The following CALHM5 variants were observed in gnomAD, a reference collection of about 807,000 sequenced individuals.
CALHM5 encodes the protein calcium homeostasis modulator family member 5.
A neutral mutation model predicts 20.9 loss-of-function variants in CALHM5; 17 were observed. That is an observed-to-expected ratio of 0.82 (90% CI 0.56 to 1.22). CALHM5 has a LOEUF of 1.22. CALHM5 is among the 50% of genes most tolerant of loss of function. The probability of loss-of-function intolerance (pLI) is 0.00; values close to 1 mark genes in which losing one functional copy is unlikely to be tolerated. For missense variants in CALHM5, 360 were observed against 364.6 expected (o/e 0.99, Z 0.10); for synonymous variants, 148 against 140.0 (o/e 1.06, Z -0.40).
chr6:116,519,499 C>T lies in CALHM5; in HGVS notation c.*3510C>T, dbSNP rs891694874. The T allele has an allele frequency of 6.6e-6, 1 of 152,120 alleles. No individual in the cohort carries two copies. Among genetic ancestry groups the T allele is most frequent in the Non-Finnish European group, 1.5e-5 (1 of 68,042 alleles). 9.4% of individuals were successfully genotyped at this position (152,120 alleles called of 1,614,324 possible). ...ACACTGCCGAACTGGGACATTGGCACCCTGGATTTGAATATCTAGAGAGGG... is the reference window on the plus strand; with the variant it reads ...ACACTGCCGAACTGGGACATTGGCATCCTGGATTTGAATATCTAGAGAGGG... On this transcript the variant is annotated 3_prime_UTR_variant, in exon 2 of 2. Coordinates refer to ENST00000368599, the MANE Select transcript of CALHM5 (RefSeq NM_153711.5).
Position 116,516,668 on chromosome 6 carries a change from T to A in CALHM5, c.*679T>A, listed in dbSNP as rs1772231901. ...TCAAAATAGTAGTAACAAATATATA[T>A]ATATATATATATATATATATATATA... On this transcript the variant is annotated 3_prime_UTR_variant, in exon 2 of 2. Transcript: ENST00000368599. 1.8e-4 allele frequency: 5 copies of A among 27,632 alleles called. No individual in the cohort carries two copies. The highest frequency in any genetic ancestry group is 4.1e-4 in the Non-Finnish European group (5 of 12,200). The allele number at this position is 27,632 out of a possible 1,614,324, so 1.7% of individuals were successfully genotyped here.
At position 116,522,882 on chromosome 6, in the gene CALHM5, T is replaced by A. The variant is rs908862317; in HGVS notation, c.*6893T>A. On this transcript the variant is annotated 3_prime_UTR_variant, in exon 2 of 2. Coordinates refer to ENST00000368599, the MANE Select transcript of CALHM5 (RefSeq NM_153711.5). ...GTTGAGTCAAGCCTGCAGTTTAACGTGATCCTAGCTGATTCCAGTTCAAGC... is the reference window on the plus strand; with the variant it reads ...GTTGAGTCAAGCCTGCAGTTTAACGAGATCCTAGCTGATTCCAGTTCAAGC... The A allele has an allele frequency of 1.3e-5, 2 of 152,152 alleles. No homozygotes were observed. The highest frequency in any genetic ancestry group is 1.9e-4 in the East Asian group (1 of 5,156). The allele number at this position is 152,152 out of a possible 1,614,324, so 9.4% of individuals were successfully genotyped here.
chr6:116,511,906 C>A lies in CALHM5; in HGVS notation c.210C>A (p.Asn70Lys), dbSNP rs1247969256. Residue 70 changes from asparagine to lysine, a missense_variant, in exon 1 of 2, where the codon AAC becomes AAA. Coordinates refer to ENST00000368599, the MANE Select transcript of CALHM5 (RefSeq NM_153711.5). ...WVLLILGFFL[N>K]NRSWRLFTGC... is the part of the protein sequence containing the mutation. ...TACTGATCCTGGGATTCTTTCTGAA[C>A]AATAGGTCGTGGAGACTCTTCACAG... 4 of 1,613,888 alleles carry A rather than the reference C, an allele frequency of 2.5e-6. No individual in the cohort carries two copies. The highest frequency in any genetic ancestry group is 2.2e-5 in the East Asian group (1 of 44,890).
rs1444874539 is a variant in CALHM5, at chr6:116,518,234, T to G, written c.*2245T>G. 1 of 151,944 alleles carries G rather than the reference T, an allele frequency of 6.6e-6. No homozygotes were observed. The highest frequency in any genetic ancestry group is 1.9e-4 in the East Asian group (1 of 5,160). 9.4% of individuals were successfully genotyped at this position (151,944 alleles called of 1,614,324 possible). On this transcript the variant is annotated 3_prime_UTR_variant, in exon 2 of 2. Transcript: ENST00000368599. ...GACTGGTGTCTGAAGTTGGGGGAGA[T>G]CTTATGGGACTGAGCTCTTAACCTG...
chr6:116,520,838 C>G lies in CALHM5; in HGVS notation c.*4849C>G, dbSNP rs549557267. ...TGGCTCTCCAGGAAAAAAGAGACATCCTAATATGATGTATTTGCCAATATA... is the reference window on the plus strand; with the variant it reads ...TGGCTCTCCAGGAAAAAAGAGACATGCTAATATGATGTATTTGCCAATATA... On this transcript the variant is annotated 3_prime_UTR_variant, in exon 2 of 2. Transcript: ENST00000368599. 6.6e-6 allele frequency: 1 copy of G among 151,982 alleles called. No homozygotes were observed. Among genetic ancestry groups the G allele is most frequent in the East Asian group, 1.9e-4 (1 of 5,186 alleles). 9.4% of individuals were successfully genotyped at this position (151,982 alleles called of 1,614,324 possible). A position where few individuals can be genotyped will look rare whatever the true frequency, so the allele number is the denominator to read the frequency against.
rs1772360697 is a variant in CALHM5 at position 116,522,321 on chromosome 6, C to G, written c.*6332C>G. The G allele has an allele frequency of 6.6e-6, 1 of 152,188 alleles. No individual in the cohort carries two copies. The highest frequency in any genetic ancestry group is 2.4e-5 in the African/African-American group (1 of 41,444). 9.4% of individuals were successfully genotyped at this position (152,188 alleles called of 1,614,324 possible). ...ACTCCATGACCCCAAAAATCATGAGCTTAAATAAATGTTTGTGGCTTTAAG... is the reference window on the plus strand; with the variant it reads ...ACTCCATGACCCCAAAAATCATGAGGTTAAATAAATGTTTGTGGCTTTAAG... On this transcript the variant is annotated 3_prime_UTR_variant, in exon 2 of 2. Transcript: ENST00000368599.
rs2279524 is a variant in CALHM5, at chr6:116,512,483, A to G, written c.540+247A>G. 194,374 of 458,354 alleles carry G rather than the reference A, an allele frequency of 0.42. 44,324 individuals are homozygous for G. The highest frequency in any genetic ancestry group is 0.54 in the Admixed American group (15,226 of 28,238). The allele number at this position is 458,354 out of a possible 1,614,324, so 28.4% of individuals were successfully genotyped here. A position where few individuals can be genotyped will look rare whatever the true frequency, so the allele number is the denominator to read the frequency against. ...AAAATATCCACTGGATTGTCCACAT[A>G]TAAATACTTAAGTACTTTAAAACAG... On this transcript the variant is annotated intron_variant, in intron 1 of 1. Coordinates refer to ENST00000368599, the MANE Select transcript of CALHM5 (RefSeq NM_153711.5).
rs772134645 is a variant in CALHM5 at position 116,518,964 on chromosome 6, T to C, written c.*2975T>C. On this transcript the variant is annotated 3_prime_UTR_variant, in exon 2 of 2. Coordinates refer to ENST00000368599, the MANE Select transcript of CALHM5 (RefSeq NM_153711.5). ...GACTCCTAAATTCCTTAACAGTCCTTTACTCAGGAATAAAACAAGTCCAAG... is the reference window on the plus strand; with the variant it reads ...GACTCCTAAATTCCTTAACAGTCCTCTACTCAGGAATAAAACAAGTCCAAG... 2 of 152,176 alleles carry C rather than the reference T, an allele frequency of 1.3e-5. No individual in the cohort carries two copies. Among genetic ancestry groups the C allele is most frequent in the Non-Finnish European group, 2.9e-5 (2 of 68,034 alleles). 9.4% of individuals were successfully genotyped at this position (152,176 alleles called of 1,614,324 possible).
chr6:116,514,278 C>T (rs953108485), intron 1 of CALHM5, among the ~76,000 whole-genome samples: 4 of 151,996 alleles, frequency 2.6e-5, no homozygotes, highest in Non-Finnish European at 4.4e-5. Context: ...GATGAGATGG[C>T]GTACAGAAGC....
intron 1 of CALHM5, among the ~76,000 whole-genome samples, chr6:116,512,700 A>C (rs1422889501): frequency 6.6e-6 from 1 of 152,348 alleles, no homozygotes; most frequent in East Asian, 1.9e-4. Context: ...TCAAAGTTGC[A>C]TGTAATATAA....
At position 116,521,745 on chromosome 6, in the gene CALHM5, T is replaced by C. The variant is rs1034863248; in HGVS notation, c.*5756T>C. 6.6e-6 allele frequency: 1 copy of C among 152,288 alleles called. No homozygotes were observed. Among genetic ancestry groups the C allele is most frequent in the Non-Finnish European group, 1.5e-5 (1 of 68,114 alleles). 9.4% of individuals were successfully genotyped at this position (152,288 alleles called of 1,614,324 possible). A position where few individuals can be genotyped will look rare whatever the true frequency, so the allele number is the denominator to read the frequency against. ...CCCTTAATCCAATCAAGTTGACATCTAAAATTAACCAGCACATGTGATAAA... is the reference window on the plus strand; with the variant it reads ...CCCTTAATCCAATCAAGTTGACATCCAAAATTAACCAGCACATGTGATAAA... On this transcript the variant is annotated 3_prime_UTR_variant, in exon 2 of 2. Transcript: ENST00000368599.
At position 116,524,065 on chromosome 6, in the gene CALHM5, G is replaced by A. The variant is rs1772397696; in HGVS notation, c.*8076G>A. On this transcript the variant is annotated 3_prime_UTR_variant, in exon 2 of 2. Transcript: ENST00000368599. ...ATTAATTTTGCTATGTGTGGTAATG[G>A]TGTGCCGATTTATGTTTTTTAAAAA... The A allele has an allele frequency of 6.6e-6, 1 of 152,144 alleles. No homozygotes were observed. The highest frequency in any genetic ancestry group is 1.5e-5 in the Non-Finnish European group (1 of 68,020). The allele number at this position is 152,144 out of a possible 1,614,324, so 9.4% of individuals were successfully genotyped here. A position where few individuals can be genotyped will look rare whatever the true frequency, so the allele number is the denominator to read the frequency against.
At chr6:116,514,499 A>C (rs892229927) in intron 1 of CALHM5, among the ~76,000 whole-genome samples, 1 of 152,260 alleles carries the variant, frequency 6.6e-6, no homozygotes, top group African/African-American at 2.4e-5. Context: ...GCTAAAACTT[A>C]ATGAATACAT....
rs1346938558 is a variant in CALHM5 at position 116,511,898 on chromosome 6, T to C, written c.202T>C (p.Phe68Leu). Residue 68 changes from phenylalanine to leucine, a missense_variant, in exon 1 of 2, where the codon TTT becomes CTT. Coordinates refer to ENST00000368599, the MANE Select transcript of CALHM5 (RefSeq NM_153711.5). Reference sequence around the variant, plus strand: ...CTGGGTGTTACTGATCCTGGGATTCTTTCTGAACAATAGGTCGTGGAGACT... The same window carrying C: ...CTGGGTGTTACTGATCCTGGGATTCCTTCTGAACAATAGGTCGTGGAGACT... ...PAWVLLILGFFLNNRSWRLFT... is the reference protein window; with the variant it reads ...PAWVLLILGFLLNNRSWRLFT... The C allele has an allele frequency of 3.1e-6, 5 of 1,613,976 alleles. No homozygotes were observed. The highest frequency in any genetic ancestry group is 4.2e-6 in the Non-Finnish European group (5 of 1,180,012).
At chr6:116,514,027 T>G (rs930769068) in intron 1 of CALHM5, among the ~76,000 whole-genome samples, 5 of 152,152 alleles carry the variant, frequency 3.3e-5, no homozygotes, top group Admixed American at 6.6e-5. Flanking sequence ...GCATAAAGCT[T>G]CTGGTACACA....
At chr6:116,513,557 T>C (rs544955855) in intron 1 of CALHM5, among the ~76,000 whole-genome samples, 28 of 152,276 alleles carry the variant, frequency 1.8e-4, no homozygotes, top group African/African-American at 6.7e-4. Context: ...TGTCATAGCT[T>C]AGGCTGAGCA....
In CALHM5 at chr6:116,515,698, T is replaced by A. The variant is rs777580142; in HGVS notation, c.639T>A (p.Ser213Arg). 3 of 1,613,710 alleles carry A rather than the reference T, an allele frequency of 1.9e-6. No homozygotes were observed. The African/African-American group carries it at 4.0e-5, about 22-fold the overall frequency. ...CRSKVSYLQL[S>R]FWKTYAQKEK... ...CTAAAGTTAGCTACCTTCAGCTGAG[T>A]TTTTGGAAGACATATGCACAAAAGG... Residue 213 changes from serine (S) to arginine (R), a missense_variant, in exon 2 of 2, where the codon AGT becomes AGA. Transcript: ENST00000368599.
rs1416007811 is a variant in CALHM5 at position 116,520,921 on chromosome 6, T to A, written c.*4932T>A. Reference sequence around the variant, plus strand: ...AGAAGTTTTACAGTGAGCATTTTTTTTTTTATGAATTTAAATTGGTTCTAG... The same window carrying A: ...AGAAGTTTTACAGTGAGCATTTTTTATTTTATGAATTTAAATTGGTTCTAG... On this transcript the variant is annotated 3_prime_UTR_variant, in exon 2 of 2. Transcript: ENST00000368599. The A allele has an allele frequency of 1.3e-5, 2 of 152,206 alleles. No individual in the cohort carries two copies. Among genetic ancestry groups the A allele is most frequent in the East Asian group, 3.9e-4 (2 of 5,176 alleles). The allele number at this position is 152,206 out of a possible 1,614,324, so 9.4% of individuals were successfully genotyped here.
rs370609773 is a variant in CALHM5, at chr6:116,523,811, AC to A, written c.*7823del. 6.0e-4 allele frequency: 91 copies of A among 152,356 alleles called. 3 individuals are homozygous for A. In the East Asian group the frequency reaches 7.3e-3, roughly 12 times the overall value. 9.4% of individuals were successfully genotyped at this position (152,356 alleles called of 1,614,324 possible). A position where few individuals can be genotyped will look rare whatever the true frequency, so the allele number is the denominator to read the frequency against. ...ACAAGGCAATTAGCACCACAAAAAA[AC>A]AACCAGGTACATCTAGATCTAACAG... is the stretch of plus-strand genomic sequence containing the variant. On this transcript the variant is annotated 3_prime_UTR_variant, in exon 2 of 2. Coordinates refer to ENST00000368599, the MANE Select transcript of CALHM5 (RefSeq NM_153711.5).
Sources: allele counts gnomAD v4.1 joint callset (sites outside exome capture counted in the v4.1 genomes callset), GRCh38; gene constraint gnomAD v4.1.1; transcripts MANE v1.5; gene names NCBI Gene and HGNC (gene_info 2026-07-23, HGNC 2026-07-21).